B3GALT1: variants seen among roughly 807,000 people sequenced by gnomAD.
B3GALT1 encodes the protein UDP-Gal:betaGlcNAc beta 1,3-galactosyltransferase, polypeptide 1.
A neutral mutation model predicts 23.2 loss-of-function variants in B3GALT1; 10 were observed. The observed-to-expected ratio is 0.43, with a 90% CI of 0.27 to 0.73. The LOEUF (loss-of-function observed/expected upper bound fraction) is 0.73, where lower values mean the gene tolerates loss of function less well. Among genes scored for constraint, B3GALT1 ranks in the 30% least tolerant of loss-of-function variants. B3GALT1 has a pLI of 0.21. For synonymous variants in B3GALT1, 156 were observed against 141.5 expected (o/e 1.10, Z -0.73); for missense variants, 299 against 405.4 (o/e 0.74, Z 2.25).
chr2:167,569,455 C>T (rs1156465481), intron 2 of B3GALT1, among the ~76,000 whole-genome samples: 1 of 151,644 alleles, frequency 6.6e-6, no homozygotes, highest in Non-Finnish European at 1.5e-5. Flanking sequence ...TTTGGTGGTG[C>T]TAATTTAACT....
chr2:167,503,981 A>C (rs1232536812), intron 2 of B3GALT1, among the ~76,000 whole-genome samples: 1 of 152,104 alleles, frequency 6.6e-6, no homozygotes, highest in East Asian at 1.9e-4. Context: ...TACTTTGCCC[A>C]TCTTCAGTGC....
intron 3 of B3GALT1, among the ~76,000 whole-genome samples, chr2:167,723,408 T>A (rs2105257953): frequency 6.6e-6 from 1 of 152,346 alleles, no homozygotes; most frequent in Non-Finnish European, 1.5e-5. Context: ...ATAGATGTAT[T>A]TTAAAATGCT....
intron 3 of B3GALT1, among the ~76,000 whole-genome samples, chr2:167,749,514 C>T (rs1036648024): frequency 3.3e-5 from 5 of 152,134 alleles, no homozygotes; most frequent in African/African-American, 7.2e-5. Flanking sequence ...TGTGAGGCTT[C>T]GTTCATCCAA....
chr2:167,373,325 AAC>A (rs1418927068), intron 1 of B3GALT1, among the ~76,000 whole-genome samples: 2 of 152,234 alleles, frequency 1.3e-5, no homozygotes, highest in East Asian at 3.9e-4. Flanking sequence ...GGACACATAT[AAC>A]ACAAACAATA....
chr2:167,424,945 T>C (rs1574073393), intron 1 of B3GALT1, among the ~76,000 whole-genome samples: 1 of 152,246 alleles, frequency 6.6e-6, no homozygotes, highest in South Asian at 2.1e-4. Context: ...CATTGTATTT[T>C]AACCAAATGC....
chr2:167,830,657 T>C (rs1384848216), intron 4 of B3GALT1, among the ~76,000 whole-genome samples: 1 of 152,236 alleles, frequency 6.6e-6, no homozygotes, highest in African/African-American at 2.4e-5. Context: ...TTTCAAACTG[T>C]AGCCGTTTGA....
At chr2:167,562,081 A>T (rs558609649) in intron 2 of B3GALT1, among the ~76,000 whole-genome samples, 53 of 152,334 alleles carry the variant, frequency 3.5e-4, no homozygotes, top group Middle Eastern at 3.4e-3. Flanking sequence ...AACCAATTCC[A>T]GCAGCACGTC....
intron 4 of B3GALT1, among the ~76,000 whole-genome samples, chr2:167,858,058 A>C (rs1037438775): frequency 6.6e-5 from 10 of 152,168 alleles, no homozygotes; most frequent in Non-Finnish European, 1.0e-4. Flanking sequence ...GTATACACAG[A>C]ATGTTAATTA....
chr2:167,407,154 C>T (rs1698294144), intron 1 of B3GALT1, among the ~76,000 whole-genome samples: 2 of 152,084 alleles, frequency 1.3e-5, no homozygotes, highest in Non-Finnish European at 2.9e-5. Flanking sequence ...TTTCTGAACA[C>T]AGTAGAACAA....
chr2:167,401,181 A>C (rs1397622295), intron 1 of B3GALT1, among the ~76,000 whole-genome samples: 2 of 152,152 alleles, frequency 1.3e-5, no homozygotes, highest in Non-Finnish European at 2.9e-5. Context: ...GTCTCAATTA[A>C]GTAATTAAAA....
chr2:167,666,612 T>G (rs1201809056), intron 3 of B3GALT1, among the ~76,000 whole-genome samples: 3 of 152,012 alleles, frequency 2.0e-5, no homozygotes, highest in South Asian at 2.1e-4. Context: ...ACTCAGGACT[T>G]GCTTTATGAA....
chr2:167,597,949 T>C (rs565263353), intron 2 of B3GALT1, among the ~76,000 whole-genome samples: 2 of 152,276 alleles, frequency 1.3e-5, no homozygotes, highest in Admixed American at 6.5e-5. Context: ...AATTAAACCA[T>C]AGATAGACCT....
At chr2:167,739,432 C>T (rs964319246) in intron 3 of B3GALT1, among the ~76,000 whole-genome samples, 7 of 152,126 alleles carry the variant, frequency 4.6e-5, no homozygotes, top group African/African-American at 1.7e-4. Context: ...GTTCATAGTG[C>T]CAAGGTCAAA....
intron 1 of B3GALT1, among the ~76,000 whole-genome samples, chr2:167,348,709 A>G (rs888805937): frequency 6.6e-6 from 1 of 152,064 alleles, no homozygotes; most frequent in African/African-American, 2.4e-5. Flanking sequence ...ACCCCTCTCA[A>G]TATGTTCACA....
chr2:167,733,552 A>G (rs1259437431), intron 3 of B3GALT1, among the ~76,000 whole-genome samples: 7 of 152,136 alleles, frequency 4.6e-5, no homozygotes, highest in Non-Finnish European at 8.8e-5. Flanking sequence ...TTTCTAAAAC[A>G]AGTTTCTCAA....
chr2:167,439,800 C>G (rs1474840603), intron 1 of B3GALT1, among the ~76,000 whole-genome samples: 1 of 151,676 alleles, frequency 6.6e-6, no homozygotes, highest in Non-Finnish European at 1.5e-5. Flanking sequence ...CTTCTTCCTC[C>G]CTATTTACTT....
At chr2:167,367,608 A>G (rs1289677736) in intron 1 of B3GALT1, among the ~76,000 whole-genome samples, 1 of 152,204 alleles carries the variant, frequency 6.6e-6, no homozygotes, top group Non-Finnish European at 1.5e-5. Context: ...GGCATCTGCA[A>G]TTCTATTAAG....
At chr2:167,649,303 G>A (rs1685813311) in intron 3 of B3GALT1, among the ~76,000 whole-genome samples, 1 of 151,620 alleles carries the variant, frequency 6.6e-6, no homozygotes, top group Non-Finnish European at 1.5e-5. Flanking sequence ...TTTTATTGAG[G>A]CAAAATTCAT....
At chr2:167,847,715 T>C (rs1386466877) in intron 4 of B3GALT1, among the ~76,000 whole-genome samples, 1 of 150,628 alleles carries the variant, frequency 6.6e-6, no homozygotes, top group Non-Finnish European at 1.5e-5. Flanking sequence ...CCCAAACCCA[T>C]CAGAAGAAAG....
Sources: allele counts gnomAD v4.1 joint callset (sites outside exome capture counted in the v4.1 genomes callset), GRCh38; gene constraint gnomAD v4.1.1; transcripts MANE v1.5; gene names NCBI Gene and HGNC (gene_info 2026-07-23, HGNC 2026-07-21).